Variants in LAMB3 observed in about 807,000 individuals in gnomAD.
LAMB3 encodes the protein laminin subunit beta 3.
LAMB3 carries 104 observed loss-of-function variants against 140.3 expected under a neutral mutation model. The observed-to-expected ratio is 0.74, with a 90% CI of 0.63 to 0.87. The LOEUF (loss-of-function observed/expected upper bound fraction) is 0.87. Ranked by LOEUF, LAMB3 falls within the 40% of genes least tolerant of loss-of-function variation. LAMB3 has a pLI of 0.00. For missense variants in LAMB3, 1,531 were observed against 1,575.2 expected, an observed-to-expected ratio of 0.97 and a Z score of 0.47; for synonymous variants, 592 against 602.9, an observed-to-expected ratio of 0.98 and a Z score of 0.26.
rs978039540 is a variant in LAMB3, at chr1:209,638,590, C to T, written c.242G>A (p.Arg81Gln). 1.4e-5 allele frequency: 23 copies of T among 1,614,038 alleles called. No individual in the cohort carries two copies. Among genetic ancestry groups the T allele is most frequent in the African/African-American group, 9.3e-5 (7 of 74,930 alleles). The change falls in exon 4 of 23, where the codon CGA becomes CAA. Residue 81 changes from arginine (R) to glutamine (Q), a missense_variant. Physicochemically the swap from Arg to Gln is conservative, Grantham distance 43 (BLOSUM62 1). Transcript: ENST00000356082. ...GGAGGATGAAGCCACATTCTCTACT[C>T]GGTGACTGTAGTAGTTGTGAGGCTG... is the stretch of plus-strand genomic sequence containing the variant. ...SRQPHNYYSHRVENVASSSGP... is the reference protein window; with the variant it reads ...SRQPHNYYSHQVENVASSSGP...
Position 209,622,604 on chromosome 1 carries a change from C to T in LAMB3, c.2633G>A (p.Arg878His), listed in dbSNP as rs775605446. Residue 878 changes from arginine to histidine, a missense_variant, in exon 18 of 23, where the codon CGC (arginine) becomes CAC (histidine). Transcript: ENST00000356082. Reference protein sequence around the residue: ...QRLETQVSASRSQMEEDVRRT... With the variant: ...QRLETQVSASHSQMEEDVRRT... ...TCTGACATCTTCCTCCATCTGGGAG[C>T]GGCTGGCGCTCACCTGGGTCTCCAA... The T allele has an allele frequency of 6.2e-6, 10 of 1,613,988 alleles. No homozygotes were observed. The highest frequency in any genetic ancestry group is 1.6e-4 in the Middle Eastern group (1 of 6,074).
At chr1:209,637,879 C>G (rs762945229) in intron 5 of LAMB3, 29 bp downstream of exon 5, 18 of 1,591,532 alleles carry the variant, frequency 1.1e-5, no homozygotes, top group Admixed American at 8.5e-5. Flanking sequence ...AGCCCCTCTC[C>G]TATCCACTGC....
At chr1:209,627,920 G>T in intron 11 of LAMB3, 115 bp downstream of exon 11, 1 of 1,366,314 alleles carries the variant, frequency 7.3e-7, no homozygotes, top group Non-Finnish European at 1.0e-6. Context: ...TACCCCCTCT[G>T]TCTACCCTGC....
Position 209,626,927 on chromosome 1 carries a change from C to T in LAMB3, c.1537G>A (p.Ala513Thr), listed in dbSNP as rs1451279834. Reference protein sequence around the residue: ...REGFGGLMCSAAAIRQCPDRT... With the variant: ...REGFGGLMCSTAAIRQCPDRT... Reference sequence around the variant, plus strand: ...TCTGGACACTGGCGGATGGCTGCAGCGCTGCACATCAGGCCACCAAAGCCT... The same window carrying T: ...TCTGGACACTGGCGGATGGCTGCAGTGCTGCACATCAGGCCACCAAAGCCT... Residue 513 changes from alanine to threonine, a missense_variant, in exon 13 of 23, where the codon GCT becomes ACT. Transcript: ENST00000356082. The T allele has an allele frequency of 2.5e-6, 4 of 1,613,714 alleles. No individual in the cohort carries two copies. Among genetic ancestry groups the T allele is most frequent in the East Asian group, 2.2e-5 (1 of 44,886 alleles).
intron 14 of LAMB3, among the ~76,000 whole-genome samples, chr1:209,624,256 TCTC>T (rs1338744580): frequency 6.6e-6 from 1 of 151,990 alleles, no homozygotes; most frequent in Non-Finnish European, 1.5e-5. Context: ...CATTCCCAAT[TCTC>T]CTCCCCCTCT....
At chr1:209,638,759 C>T in intron 3 of LAMB3, 111 bp from the exon 4 acceptor site, 1 of 722,674 alleles carries the variant, frequency 1.4e-6, no homozygotes. Context: ...CCTTAGGAAT[C>T]ACTAATTTTA....
chr1:209,624,970 A>G (rs1666374430), intron 14 of LAMB3, among the ~76,000 whole-genome samples: 1 of 151,258 alleles, frequency 6.6e-6, no homozygotes, highest in African/African-American at 2.4e-5. Context: ...GGAAAAAAGA[A>G]GGAAAAGAAG....
At position 209,618,506 on chromosome 1, in the gene LAMB3, G is replaced by T. The variant is rs752572011; in HGVS notation, c.2855C>A (p.Thr952Asn). The T allele has an allele frequency of 6.2e-7, 1 of 1,614,258 alleles. No individual in the cohort carries two copies. The highest frequency in any genetic ancestry group is 2.2e-5 in the East Asian group (1 of 44,872). The change falls in exon 19 of 23, where the codon ACC becomes AAC. Residue 952 changes from threonine to asparagine, a missense_variant. Thr to Asn is a moderately conservative substitution (Grantham distance 65, BLOSUM62 0). Coordinates refer to ENST00000356082, the MANE Select transcript of LAMB3 (RefSeq NM_000228.3). Reference protein sequence around the residue: ...LPNVDLVLSQTKQDIARARRL... With the variant: ...LPNVDLVLSQNKQDIARARRL... ...GCGGGCACGCGCAATGTCCTGCTTG[G>T]TCTGGGACAGCACCAAGTCCACGTT... is the stretch of plus-strand genomic sequence containing the variant.
intron 3 of LAMB3, among the ~76,000 whole-genome samples, chr1:209,642,997 T>G (rs1269697182): frequency 1.3e-5 from 2 of 152,220 alleles, no homozygotes; most frequent in East Asian, 3.8e-4. Flanking sequence ...GCTTACAAAC[T>G]GCATGCTGCT....
Position 209,623,010 on chromosome 1 carries a change from T to C in LAMB3, c.2528A>G (p.Asn843Ser). 5.0e-6 allele frequency: 8 copies of C among 1,613,652 alleles called. No homozygotes were observed. The highest frequency in any genetic ancestry group is 6.8e-6 in the Non-Finnish European group (8 of 1,179,984). ...CTGCCTGGTCCGCTGGAGCTGGGCA[T>C]TGAAGCCCCGCAGCTGCTCAGCCAC... ...GQVAEQLRGF[N>S]AQLQRTRQMI... The change falls in exon 17 of 23, where the codon AAT becomes AGT. Residue 843 changes from asparagine to serine, a missense_variant. Transcript: ENST00000356082. The surrounding 1 kb of genome is among the most constrained non-coding windows in gnomAD (Gnocchi z 4.2).
chr1:209,628,263 C>G (rs907583308), intron 10 of LAMB3, 73 bp from the exon 11 acceptor site: 17 of 1,508,056 alleles, frequency 1.1e-5, no homozygotes, highest in Middle Eastern at 1.7e-4. Context: ...AGGAGCCAGG[C>G]TGCCTGGTTC....
chr1:209,633,805 C>A (rs150160590), intron 6 of LAMB3, among the ~76,000 whole-genome samples: 45 of 152,228 alleles, frequency 3.0e-4, no homozygotes, highest in African/African-American at 1.1e-3. Flanking sequence ...TGTGTCTCAG[C>A]CAGGGAAAGG....
intron 5 of LAMB3, among the ~76,000 whole-genome samples, chr1:209,635,976 G>A (rs559212027): frequency 2.6e-5 from 4 of 152,170 alleles, no homozygotes; most frequent in East Asian, 1.9e-4. Flanking sequence ...TGCTCCTCCC[G>A]CTGGTGGGTT....
rs1368422657 is a variant in LAMB3, at chr1:209,623,032, C to A, written c.2506G>T (p.Ala836Ser). ...GGAFLMAGQVAEQLRGFNAQL... is the reference protein window; with the variant it reads ...GGAFLMAGQVSEQLRGFNAQL... ...GCATTGAAGCCCCGCAGCTGCTCAG[C>A]CACCTGCCCCGCCATCAAGAAGGCC... Residue 836 changes from alanine (A) to serine (S), a missense_variant, in exon 17 of 23, where the codon GCT (alanine) becomes TCT (serine). By Grantham distance (99) the Ala-to-Ser change is moderately conservative. Coordinates refer to ENST00000356082, the MANE Select transcript of LAMB3 (RefSeq NM_000228.3). The surrounding 1 kb of genome is among the most constrained non-coding windows in gnomAD (Gnocchi z 4.2). 6.8e-6 allele frequency: 11 copies of A among 1,613,902 alleles called. No homozygotes were observed. Among genetic ancestry groups the A allele is most frequent in the Non-Finnish European group, 8.5e-6 (10 of 1,180,036 alleles).
In LAMB3 at chr1:209,617,943, G is replaced by T; in HGVS notation, c.3015C>A (p.Ser1005Arg). The change falls in exon 20 of 23, where the codon AGC becomes AGA. Residue 1005 changes from serine (S) to arginine (R), a missense_variant. By Grantham distance (110) the Ser-to-Arg change is moderately radical. Coordinates refer to ENST00000356082, the MANE Select transcript of LAMB3 (RefSeq NM_000228.3). ...TGTCCTGGATAAGCCGAAGGGAGCG[G>T]CTGGTGCCTTGCATGGTGTCCTGAG... ...QEAQDTMQGT[S>R]RSLRLIQDRV... 1 of 1,614,206 alleles carries T rather than the reference G, an allele frequency of 6.2e-7. No individual in the cohort carries two copies. Among genetic ancestry groups the T allele is most frequent in the African/African-American group, 1.3e-5 (1 of 75,044 alleles).
intron 19 of LAMB3, 59 bp from the exon 20 acceptor site, chr1:209,618,107 T>A (rs978503743): frequency 1.1e-5 from 17 of 1,604,892 alleles, no homozygotes; most frequent in Non-Finnish European, 1.3e-5. Flanking sequence ...TGAATCAATG[T>A]GTGGTTCGAC....
At chr1:209,651,392 G>C (rs2076565679) in intron 1 of LAMB3, 1 of 224,076 alleles carries the variant, frequency 4.5e-6, no homozygotes, top group African/African-American at 2.2e-5. Context: ...GCTTTTCTCA[G>C]GGCCTAGACC....
intron 5 of LAMB3, 106 bp from the exon 6 acceptor site, chr1:209,634,744 C>T: frequency 1.1e-6 from 1 of 929,070 alleles, no homozygotes; most frequent in Non-Finnish European, 1.7e-6. Context: ...GAAAGGGGGC[C>T]CAGTGGGAGC....
intron 3 of LAMB3, among the ~76,000 whole-genome samples, chr1:209,645,528 C>G (rs2076509017): frequency 6.6e-6 from 1 of 151,928 alleles, no homozygotes; most frequent in South Asian, 2.1e-4. Flanking sequence ...CCAGCCTGGC[C>G]AACATGGTGA....
Sources: gnomAD v4.1 joint callset for allele counts (sites outside exome capture counted in the v4.1 genomes callset) on GRCh38, gnomAD v4.1.1 for gene constraint, Gnocchi (gnomAD v3.1) non-coding constraint, MANE v1.5 for transcripts, NCBI Gene and HGNC (gene_info 2026-07-23, HGNC 2026-07-21) for gene names.